The following EYA3 variants were observed in gnomAD, a reference collection of about 807,000 sequenced individuals.
EYA3 encodes the protein EYA transcriptional coactivator and phosphatase 3.
A neutral mutation model predicts 80.0 loss-of-function variants in EYA3; 39 were observed. That is an observed-to-expected ratio of 0.49 (90% confidence interval 0.38 to 0.64). The LOEUF (loss-of-function observed/expected upper bound fraction) is 0.64. EYA3 is among the 30% of genes least tolerant of loss of function. The probability of loss-of-function intolerance (pLI) is 0.00; values close to 1 mark genes in which losing one functional copy is unlikely to be tolerated. For missense variants in EYA3, 523 were observed against 676.1 expected (o/e 0.77, Z 2.51); for synonymous variants, 206 against 232.8 (o/e 0.88, Z 1.05).
intron 10 of EYA3, among the ~76,000 whole-genome samples, chr1:28,008,093 CTT>C (rs1337567005): frequency 7.2e-5 from 11 of 151,984 alleles, no homozygotes; most frequent in Admixed American, 6.6e-4. Context: ...ATCAATTTTT[CTT>C]TTTCTTTTTT....
intron 16 of EYA3, among the ~76,000 whole-genome samples, chr1:27,987,895 C>A (rs1275639392): frequency 2.0e-5 from 3 of 152,148 alleles, no homozygotes; most frequent in African/African-American, 7.2e-5. Flanking sequence ...GACATAGGGT[C>A]TCATTCTGTC....
At position 28,024,788 on chromosome 1, in the gene EYA3, C is replaced by A. The variant is rs138590749; in HGVS notation, c.499+3001G>T. 4.6e-3 allele frequency among the ~76,000 whole-genome samples: 700 copies of A among 152,192 alleles called. 5 individuals are homozygous for A. Among genetic ancestry groups the A allele is most frequent in the African/African-American group, 0.016 (670 of 41,512 alleles). ...GATAGGGCCACATAGTCACAAGATA[C>A]TCTAGGAAAAGGATGATACTACAGA... On this transcript the variant is annotated intron_variant, in intron 7 of 17. Coordinates refer to ENST00000373871, the MANE Select transcript of EYA3 (RefSeq NM_001990.4).
At chr1:28,049,790 T>A (rs1019472049) in intron 2 of EYA3, among the ~76,000 whole-genome samples, 1 of 152,220 alleles carries the variant, frequency 6.6e-6, no homozygotes, top group Non-Finnish European at 1.5e-5. Flanking sequence ...ATCTAGTTTA[T>A]CTGCCTGCCA....
chr1:28,084,532 T>G (rs552312744), intron 1 of EYA3, among the ~76,000 whole-genome samples: 7 of 128,044 alleles, frequency 5.5e-5, no homozygotes, highest in African/African-American at 1.7e-4. Context: ...TAGATGAACA[T>G]CTGGGAAGCA....
In EYA3 at chr1:27,978,481, A is replaced by C; in HGVS notation, c.1541-7T>G. On this transcript the variant is annotated splice_region_variant and splice_polypyrimidine_tract_variant and intron_variant, in intron 16 of 17. Transcript: ENST00000373871. ...TCAAAGCAGCTCTCCTTACCTGATGAGAAAAAGAAATTTCCTGTTAGAATA... is the reference window on the plus strand; with the variant it reads ...TCAAAGCAGCTCTCCTTACCTGATGCGAAAAAGAAATTTCCTGTTAGAATA... 2 of 1,610,312 alleles carry C rather than the reference A, an allele frequency of 1.2e-6. No homozygotes were observed. The highest frequency in any genetic ancestry group is 1.7e-6 in the Non-Finnish European group (2 of 1,176,960).
intron 1 of EYA3, among the ~76,000 whole-genome samples, chr1:28,073,637 T>C (rs1571959444): frequency 6.6e-6 from 1 of 152,100 alleles, no homozygotes. Context: ...GGTTTTACCA[T>C]GTTGACCAGG....
chr1:27,997,847 C>T (rs536473802), intron 12 of EYA3, among the ~76,000 whole-genome samples: 4 of 152,164 alleles, frequency 2.6e-5, no homozygotes, highest in East Asian at 1.9e-4. Flanking sequence ...GTATCAAAAC[C>T]GAGAATGACT....
intron 2 of EYA3, among the ~76,000 whole-genome samples, chr1:28,053,344 C>G (rs115766361): frequency 0.013 from 1,926 of 152,084 alleles, 40 homozygotes; most frequent in African/African-American, 0.044. Flanking sequence ...TGACATAATC[C>G]TATGGGCATA....
In EYA3 at chr1:28,061,591, GTTTT is replaced by G. The variant is rs61325259; in HGVS notation, c.-68-3501_-68-3498del. Reference sequence around the variant, plus strand: ...TTGTATTAGTTCTAGAATTTAACGTGTTTTTTTTTTTTGTCTTTTGTTTTTTGAG... The same window carrying G: ...TTGTATTAGTTCTAGAATTTAACGTGTTTTTTTTGTCTTTTGTTTTTTGAG... On this transcript the variant is annotated intron_variant, in intron 1 of 17. Transcript: ENST00000373871. Among the ~76,000 whole-genome samples, 436 of 144,946 alleles carry G rather than the reference GTTTT, an allele frequency of 3.0e-3. 1 individual carries two copies. The highest frequency in any genetic ancestry group is 3.5e-3 in the Non-Finnish European group (232 of 65,758).
intron 13 of EYA3, among the ~76,000 whole-genome samples, chr1:27,996,403 G>A (rs1557542221): frequency 1.3e-5 from 2 of 151,410 alleles, no homozygotes; most frequent in Non-Finnish European, 2.9e-5. Context: ...TTAGCCACAC[G>A]TATAAGAGGA....
chr1:28,081,848 C>G (rs1021605347), intron 1 of EYA3, among the ~76,000 whole-genome samples: 1 of 151,962 alleles, frequency 6.6e-6, no homozygotes, highest in South Asian at 2.1e-4. Context: ...GTAATTGCTA[C>G]AATATTAAAT....
At chr1:28,077,161 T>A (rs552287429) in intron 1 of EYA3, among the ~76,000 whole-genome samples, 53 of 147,450 alleles carry the variant, frequency 3.6e-4, no homozygotes, top group Non-Finnish European at 4.6e-4. Context: ...TGGAGTACAG[T>A]GGCGCAATCT....
At chr1:28,017,294 G>T in intron 7 of EYA3, 55 bp from the exon 8 acceptor site, 1 of 1,331,582 alleles carries the variant, frequency 7.5e-7, no homozygotes, top group Non-Finnish European at 1.1e-6. Context: ...AAGGTTAGAA[G>T]AAACTGAAAA....
At chr1:28,074,295 A>G (rs1449536586) in intron 1 of EYA3, among the ~76,000 whole-genome samples, 1 of 152,198 alleles carries the variant, frequency 6.6e-6, no homozygotes, top group Admixed American at 6.5e-5. Context: ...TATACAACAT[A>G]CAATTATTCA....
intron 17 of EYA3, among the ~76,000 whole-genome samples, chr1:27,976,135 G>A (rs142268530): frequency 6.6e-6 from 1 of 152,192 alleles, no homozygotes; most frequent in Admixed American, 6.5e-5. Context: ...TTAACATACA[G>A]AAGAGGAAAC....
At chr1:28,069,904 C>T (rs1045399550) in intron 1 of EYA3, among the ~76,000 whole-genome samples, 24 of 152,204 alleles carry the variant, frequency 1.6e-4, no homozygotes, top group African/African-American at 5.5e-4. Context: ...ACAGAGAAGA[C>T]GGCAATGTGA....
At chr1:28,027,737 C>T (rs1642870966) in intron 7 of EYA3, 52 bp downstream of exon 7, 3 of 1,607,342 alleles carry the variant, frequency 1.9e-6, no homozygotes, top group South Asian at 1.1e-5. Context: ...AGATTAAAAA[C>T]AAGAAACAAT....
chr1:28,071,933 C>T (rs1468634721), intron 1 of EYA3, among the ~76,000 whole-genome samples: 2 of 152,180 alleles, frequency 1.3e-5, no homozygotes, highest in South Asian at 2.1e-4. Context: ...AATTTAGGAA[C>T]TTAATCATTT....
intron 16 of EYA3, among the ~76,000 whole-genome samples, chr1:27,984,694 C>A (rs1231422617): frequency 2.6e-5 from 4 of 152,020 alleles, no homozygotes; most frequent in Non-Finnish European, 4.4e-5. Flanking sequence ...CAATAAGCAC[C>A]GTTATTATTT....
Sources: gnomAD v4.1 joint callset for allele counts (sites outside exome capture counted in the v4.1 genomes callset) on GRCh38, gnomAD v4.1.1 for gene constraint, MANE v1.5 for transcripts, NCBI Gene and HGNC (gene_info 2026-07-23, HGNC 2026-07-21) for gene names.